The following SCN1A variants were observed in gnomAD, a reference collection of about 807,000 sequenced individuals.
SCN1A encodes sodium channel protein type 1 subunit alpha.
In SCN1A, 13 loss-of-function variants were observed where a neutral mutation model predicts 193.7. The observed-to-expected ratio is 0.07, with a 90% CI of 0.04 to 0.11. The LOEUF (loss-of-function observed/expected upper bound fraction) is 0.11, where lower values mean the gene tolerates loss of function less well. Ranked by LOEUF, SCN1A falls within the 10% of genes least tolerant of loss-of-function variation. The pLI is 1.00. For missense variants in SCN1A, 1,432 were observed against 2,451.1 expected (o/e 0.58, Z 8.78); for synonymous variants, 781 against 843.6 (o/e 0.93, Z 1.29).
intron 22 of SCN1A, among the ~76,000 whole-genome samples, chr2:166,011,455 G>A (rs929810196): frequency 1.3e-5 from 2 of 151,048 alleles, no homozygotes; most frequent in Admixed American, 1.3e-4. Context: ...ATAAAGGGCT[G>A]TTTGGGCTTG....
At chr2:166,019,466 C>T (rs1379855031) in intron 19 of SCN1A, among the ~76,000 whole-genome samples, 1 of 152,152 alleles carries the variant, frequency 6.6e-6, no homozygotes, top group Non-Finnish European at 1.5e-5. Context: ...CTTAAACATA[C>T]TTCTTTAACC....
chr2:166,001,366 A>C (rs1690807900), intron 24 of SCN1A, among the ~76,000 whole-genome samples: 1 of 151,746 alleles, frequency 6.6e-6, no homozygotes, highest in Admixed American at 6.6e-5. Context: ...TTAAGAAGAG[A>C]AATAAGAATT....
chr2:166,097,631 G>T (rs1188556746), intron 2 of SCN1A, among the ~76,000 whole-genome samples: 23 of 152,036 alleles, frequency 1.5e-4, no homozygotes. Context: ...ACCCAGGCTG[G>T]CGTGCAGTGG....
chr2:165,994,105 C>A (rs749420858), intron 28 of SCN1A, 41 bp downstream of exon 28: 2 of 1,481,616 alleles, frequency 1.3e-6, no homozygotes, highest in Non-Finnish European at 1.9e-6. Flanking sequence ...TCAGCTTTCA[C>A]TTTTATTTAA....
intron 23 of SCN1A, chr2:166,007,163 TC>T (rs1212196264): frequency 6.7e-6 from 1 of 150,332 alleles, no homozygotes; most frequent in Non-Finnish European, 1.5e-5. Flanking sequence ...TCCCAATCCC[TC>T]CCTCACCCCA....
intron 24 of SCN1A, among the ~76,000 whole-genome samples, chr2:166,001,303 T>TA (rs913976241): frequency 1.3e-5 from 2 of 151,718 alleles, no homozygotes; most frequent in Admixed American, 6.6e-5. Flanking sequence ...TTACCAGATT[T>TA]AAAAAATCTC....
intron 6 of SCN1A, among the ~76,000 whole-genome samples, chr2:166,055,908 C>T (rs969677177): frequency 2.0e-5 from 3 of 151,940 alleles, no homozygotes; most frequent in African/African-American, 4.8e-5. Context: ...GTTCTACAAC[C>T]CTGAAACTTT....
At chr2:166,112,837 C>A (rs12999167) in intron 2 of SCN1A, among the ~76,000 whole-genome samples, 13,031 of 152,094 alleles carry the variant, frequency 0.086, 617 homozygotes, top group Middle Eastern at 0.21. Context: ...AAGCTAATCA[C>A]CAATGGTCAA....
At chr2:166,124,526 G>A (rs1290178219) in intron 2 of SCN1A, among the ~76,000 whole-genome samples, 1 of 152,142 alleles carries the variant, frequency 6.6e-6, no homozygotes, top group African/African-American at 2.4e-5. Context: ...CAGCCTGGGT[G>A]ACAGAGTGAG....
At chr2:166,041,797 G>A (rs913918301) in intron 15 of SCN1A, among the ~76,000 whole-genome samples, 1 of 152,156 alleles carries the variant, frequency 6.6e-6, no homozygotes, top group African/African-American at 2.4e-5. Context: ...GATATTGTGT[G>A]TGCAACCCTA....
In SCN1A at chr2:166,090,029, C is replaced by CTTTTTT. The variant is rs545740675; in HGVS notation, c.-141-12234_-141-12229dup. Reference sequence around the variant, plus strand: ...TCTTCCTTCCTTCCTTCCTTCTTTCCTTTTTTTTTTTTTTTTTTTTTTTTT... The same window carrying CTTTTTT: ...TCTTCCTTCCTTCCTTCCTTCTTTCCTTTTTTTTTTTTTTTTTTTTTTTTTTTTTTT... On this transcript the variant is annotated intron_variant, in intron 2 of 28. Coordinates refer to ENST00000674923, the MANE Select transcript of SCN1A (RefSeq NM_001165963.4). Among the ~76,000 whole-genome samples the CTTTTTT allele has an allele frequency of 7.0e-4, 50 of 71,422 alleles. 3 individuals carry two copies. Among genetic ancestry groups the CTTTTTT allele is most frequent in the Non-Finnish European group, 8.5e-4 (32 of 37,858 alleles). The allele number at this position is 71,422 out of a possible 152,430, so 46.9% of individuals were successfully genotyped here. A position where few individuals can be genotyped will look rare whatever the true frequency, so the allele number is the denominator to read the frequency against.
At chr2:166,026,788 A>C (rs778691494) in intron 19 of SCN1A, among the ~76,000 whole-genome samples, 8 of 140,556 alleles carry the variant, frequency 5.7e-5, no homozygotes, top group Non-Finnish European at 1.2e-4. Context: ...GGTTCATGTC[A>C]TTCTCCTGTC....
At chr2:166,081,074 G>A (rs484926) in intron 2 of SCN1A, among the ~76,000 whole-genome samples, 122,110 of 151,750 alleles carry the variant, frequency 0.8, 49,273 homozygotes, top group Admixed American at 0.9. Flanking sequence ...CATGTATTAC[G>A]TTCTGGACTT....
chr2:166,107,293 A>G (rs975054656), intron 2 of SCN1A, among the ~76,000 whole-genome samples: 2 of 152,170 alleles, frequency 1.3e-5, no homozygotes, highest in South Asian at 2.1e-4. Context: ...GCTTTAGTCC[A>G]TAAGCACCTT....
At chr2:166,117,048 A>G (rs1172657695) in intron 2 of SCN1A, among the ~76,000 whole-genome samples, 3 of 152,146 alleles carry the variant, frequency 2.0e-5, no homozygotes, top group African/African-American at 4.8e-5. Flanking sequence ...TCAAAATAAT[A>G]ATTTTCTCTT....
intron 27 of SCN1A, among the ~76,000 whole-genome samples, chr2:165,995,367 T>C (rs547793231): frequency 1.9e-4 from 29 of 151,918 alleles, no homozygotes; most frequent in African/African-American, 6.7e-4. Flanking sequence ...ATATTTATAG[T>C]GTGGGATAAT....
At chr2:166,031,979 A>G (rs1055435313) in intron 19 of SCN1A, among the ~76,000 whole-genome samples, 2 of 152,118 alleles carry the variant, frequency 1.3e-5, no homozygotes, top group South Asian at 2.1e-4. Flanking sequence ...TATTTAGTGT[A>G]TGAAGAATAA....
chr2:166,055,376 G>T (rs1383902985), intron 6 of SCN1A, among the ~76,000 whole-genome samples: 20 of 151,824 alleles, frequency 1.3e-4, no homozygotes, highest in Non-Finnish European at 1.5e-5. Context: ...TGTGAGAGTG[G>T]CATAAAATCA....
At chr2:166,060,237 T>C (rs1295261369) in intron 4 of SCN1A, 5 of 152,224 alleles carry the variant, frequency 3.3e-5, no homozygotes, top group Non-Finnish European at 7.3e-5. Context: ...AGAAAACAGA[T>C]AGAGCTTTAC....
Sources: gnomAD v4.1 joint callset for allele counts (sites outside exome capture counted in the v4.1 genomes callset) on GRCh38, gnomAD v4.1.1 for gene constraint, MANE v1.5 for transcripts, NCBI Gene and HGNC (gene_info 2026-07-23, HGNC 2026-07-21) for gene names.